The following POLQ variants were observed in gnomAD, a reference collection of about 807,000 sequenced individuals.
POLQ encodes DNA polymerase theta.
Under a neutral mutation model 259.2 loss-of-function variants are expected in POLQ, and 233 were observed. The ratio of observed to expected loss-of-function variants is 0.90; its 90% CI spans 0.81 to 1.00. POLQ has a LOEUF of 1.00. POLQ is among the 50% of genes least tolerant of loss of function. The pLI is 0.00. For missense variants in POLQ, 2,871 were observed against 3,051.6 expected, an observed-to-expected ratio of 0.94 and a Z score of 1.39; for synonymous variants, 1,025 against 1,048.8, an observed-to-expected ratio of 0.98 and a Z score of 0.44.
chr3:121,433,442 G>T (rs1435423417), intron 28 of POLQ, among the ~76,000 whole-genome samples: 3 of 152,154 alleles, frequency 2.0e-5, no homozygotes, highest in Non-Finnish European at 4.4e-5. Flanking sequence ...TTCTTAAGGG[G>T]GACACTCCCT....
At chr3:121,456,804 C>T (rs1272128681) in intron 25 of POLQ, among the ~76,000 whole-genome samples, 1 of 152,204 alleles carries the variant, frequency 6.6e-6, no homozygotes, top group Non-Finnish European at 1.5e-5. Flanking sequence ...AATGGCCATA[C>T]TGCCCAAGGT....
Position 121,471,973 on chromosome 3 carries a change from T to C in POLQ, c.6718+17A>G. 2.9e-6 allele frequency: 4 copies of C among 1,357,820 alleles called. No homozygotes were observed. The highest frequency in any genetic ancestry group is 3.9e-6 in the Non-Finnish European group (4 of 1,017,510). 84.1% of individuals were successfully genotyped at this position (1,357,820 alleles called of 1,614,324 possible). A position where few individuals can be genotyped will look rare whatever the true frequency, so the allele number is the denominator to read the frequency against. On this transcript the variant is annotated intron_variant, in intron 22 of 29. Coordinates refer to ENST00000264233, the MANE Select transcript of POLQ (RefSeq NM_199420.4). ...CTTCAAAATTGGATATTGTTTATACTTAAGATTTCTCATCACCTGTAGCAG... is the reference window on the plus strand; with the variant it reads ...CTTCAAAATTGGATATTGTTTATACCTAAGATTTCTCATCACCTGTAGCAG...
chr3:121,475,632 T>TG (rs146081074), intron 20 of POLQ, among the ~76,000 whole-genome samples: 2,152 of 152,278 alleles, frequency 0.014, 52 homozygotes, highest in African/African-American at 0.049. Context: ...AGCATTTTTT[T>TG]GGGGGGGTGA....
rs532422312 is a variant in POLQ, at chr3:121,486,288, C to T, written c.5629+1014G>A. On this transcript the variant is annotated intron_variant, in intron 16 of 29. Transcript: ENST00000264233. ...TTATGAGGCCGGGCATGGTGGCTCA[C>T]GCCTGTAATCCCAGCACTTTGGGAG... is the stretch of plus-strand genomic sequence containing the variant. Among the ~76,000 whole-genome samples the T allele has an allele frequency of 6.6e-5, 10 of 152,250 alleles. No homozygotes were observed. In the East Asian group the frequency reaches 1.4e-3, roughly 21 times the overall value.
intron 4 of POLQ, among the ~76,000 whole-genome samples, 161 bp downstream of exon 4, chr3:121,539,272 T>C (rs1382244298): frequency 1.3e-5 from 2 of 152,170 alleles, no homozygotes; most frequent in Non-Finnish European, 2.9e-5. Flanking sequence ...ACAAAACTTA[T>C]AAACACAGCG....
At chr3:121,536,975 A>G (rs1371726335) in intron 5 of POLQ, 125 bp downstream of exon 5, 9 of 638,542 alleles carry the variant, frequency 1.4e-5, no homozygotes, top group South Asian at 1.2e-4. Context: ...ACTACTATAC[A>G]TAAGTTTTCT....
chr3:121,512,451 T>G (rs2048262559), intron 9 of POLQ, among the ~76,000 whole-genome samples: 1 of 152,194 alleles, frequency 6.6e-6, no homozygotes, highest in South Asian at 2.1e-4. Flanking sequence ...AACTTCTATC[T>G]TCCATTAGTT....
Position 121,490,258 on chromosome 3 carries a change from T to TGCAGC in POLQ, c.2672_2673insGCTGC (p.Val892LeufsTer22). ...GATTCCATTGCACTCCCATTTCAAC[T>TGCAGC]AAGTCCTGCTGCAGAATCATTCTGG... On this transcript the variant is annotated frameshift_variant, in exon 16 of 30. Coordinates refer to ENST00000264233, the MANE Select transcript of POLQ (RefSeq NM_199420.4). LOFTEE classifies it high-confidence loss of function. 1 of 1,614,220 alleles carries TGCAGC rather than the reference T, an allele frequency of 6.2e-7. No homozygotes were observed. Among genetic ancestry groups the TGCAGC allele is most frequent in the Admixed American group, 1.7e-5 (1 of 60,032 alleles).
intron 20 of POLQ, among the ~76,000 whole-genome samples, chr3:121,474,359 C>A (rs534678374): frequency 1.3e-5 from 2 of 152,256 alleles, no homozygotes; most frequent in African/African-American, 4.8e-5. Flanking sequence ...GCCGGTAGCA[C>A]CCACTGAAGA....
At chr3:121,506,024 A>T in intron 12 of POLQ, among the ~76,000 whole-genome samples, 1 of 29,748 alleles carries the variant, frequency 3.4e-5, no homozygotes, top group South Asian at 4.7e-3. Flanking sequence ...CTCCATCTCA[A>T]AAAAAAAAAA....
rs770591069 is a variant in POLQ at position 121,485,096 on chromosome 3, G to C, written c.5718C>G (p.Cys1906Trp). 1 of 1,612,616 alleles carries C rather than the reference G, an allele frequency of 6.2e-7. No homozygotes were observed. The highest frequency in any genetic ancestry group is 1.3e-5 in the African/African-American group (1 of 74,874). The change falls in exon 17 of 30, where the codon TGC (cysteine) becomes TGG (tryptophan). Residue 1906 changes from cysteine (C) to tryptophan (W), a missense_variant. Transcript: ENST00000264233. ...AATAATAGGCATCCCTTCCACCCCAGCATACTGCCAGTCCAACCACCAAGG... is the reference window on the plus strand; with the variant it reads ...AATAATAGGCATCCCTTCCACCCCACCATACTGCCAGTCCAACCACCAAGG... Reference protein sequence around the residue: ...DDTLVVGLAVCWGGRDAYYFS... With the variant: ...DDTLVVGLAVWWGGRDAYYFS...
At chr3:121,534,877 T>C (rs1036832422) in intron 5 of POLQ, among the ~76,000 whole-genome samples, 3 of 152,234 alleles carry the variant, frequency 2.0e-5, no homozygotes, top group Non-Finnish European at 2.9e-5. Flanking sequence ...TAGTTATGCT[T>C]TTCTTATAGC....
chr3:121,536,040 G>A (rs952140163), intron 5 of POLQ, among the ~76,000 whole-genome samples: 3 of 152,136 alleles, frequency 2.0e-5, no homozygotes, highest in Non-Finnish European at 4.4e-5. Flanking sequence ...GGAGGCTAGG[G>A]ATAAATTAGC....
intron 9 of POLQ, among the ~76,000 whole-genome samples, chr3:121,513,550 T>C (rs513380): frequency 0.79 from 110,844 of 140,920 alleles, 43,292 homozygotes; most frequent in East Asian, 0.89. Context: ...TGCAGTGAGC[T>C]GAGATCACGC....
intron 5 of POLQ, among the ~76,000 whole-genome samples, chr3:121,535,375 T>C (rs1377610383): frequency 6.6e-6 from 1 of 152,132 alleles, no homozygotes; most frequent in Non-Finnish European, 1.5e-5. Flanking sequence ...CCTTGACAAC[T>C]CTGAAGGAAA....
At position 121,432,285 on chromosome 3, in the gene POLQ, G is replaced by C. The variant is rs756270330; in HGVS notation, c.*19C>G. On this transcript the variant is annotated 3_prime_UTR_variant, in exon 30 of 30. Coordinates refer to ENST00000264233, the MANE Select transcript of POLQ (RefSeq NM_199420.4). ...GCATCTGCACAGGCTTCCCTGGGAGGACTTCATCAACAGCACAGTTACACA... is the reference window on the plus strand; with the variant it reads ...GCATCTGCACAGGCTTCCCTGGGAGCACTTCATCAACAGCACAGTTACACA... 7 of 1,580,298 alleles carry C rather than the reference G, an allele frequency of 4.4e-6. No individual in the cohort carries two copies. In the East Asian group the frequency reaches 1.2e-4, roughly 26 times the overall value.
At chr3:121,436,388 T>C in intron 27 of POLQ, 113 bp from the exon 28 acceptor site, 1 of 951,574 alleles carries the variant, frequency 1.1e-6, no homozygotes. Flanking sequence ...AAAGCTGGAC[T>C]GAGATGCAAC....
chr3:121,474,590 G>A (rs895997294), intron 20 of POLQ, among the ~76,000 whole-genome samples: 4 of 152,156 alleles, frequency 2.6e-5, no homozygotes, highest in African/African-American at 9.7e-5. Context: ...CCCACAAGTT[G>A]AGCCAGGGGT....
intron 20 of POLQ, 94 bp from the exon 21 acceptor site, chr3:121,473,581 C>T: frequency 9.4e-7 from 1 of 1,058,262 alleles, no homozygotes; most frequent in South Asian, 1.5e-5. Flanking sequence ...ACAATCTCTA[C>T]AGTTCAACAT....
Sources: allele counts gnomAD v4.1 joint callset (sites outside exome capture counted in the v4.1 genomes callset), GRCh38; gene constraint gnomAD v4.1.1; transcripts MANE v1.5; gene names NCBI Gene and HGNC (gene_info 2026-07-23, HGNC 2026-07-21).